Variants in PCSK2 observed in about 807,000 individuals in gnomAD.
PCSK2 encodes the protein neuroendocrine convertase 2.
A neutral mutation model predicts 69.7 loss-of-function variants in PCSK2; 14 were observed. That is an observed-to-expected ratio of 0.20 (90% confidence interval 0.13 to 0.31). The LOEUF is 0.31. Ranked by LOEUF, PCSK2 falls within the 10% of genes least tolerant of loss-of-function variation. The pLI, the probability that PCSK2 is intolerant of heterozygous loss-of-function variation, is 1.00. For synonymous variants in PCSK2, 307 were observed against 320.7 expected, an observed-to-expected ratio of 0.96 and a Z score of 0.46; for missense variants, 544 against 842.5, an observed-to-expected ratio of 0.65 and a Z score of 4.39.
chr20:17,311,115 A>G (rs1441725561), intron 2 of PCSK2, among the ~76,000 whole-genome samples: 1 of 152,134 alleles, frequency 6.6e-6, no homozygotes, highest in Non-Finnish European at 1.5e-5. Context: ...GTTTGAGCCC[A>G]TTAAACATAG....
chr20:17,357,639 A>C (rs537831168), intron 2 of PCSK2, among the ~76,000 whole-genome samples: 9 of 152,332 alleles, frequency 5.9e-5, no homozygotes, highest in African/African-American at 1.9e-4. Context: ...TCATGCCTGT[A>C]ATCCCAGCAC....
chr20:17,296,247 G>A (rs369548660), intron 2 of PCSK2, among the ~76,000 whole-genome samples: 3 of 152,172 alleles, frequency 2.0e-5, no homozygotes, highest in African/African-American at 4.8e-5. Context: ...CACAGGGTCC[G>A]CTACACAGCT....
intron 1 of PCSK2, among the ~76,000 whole-genome samples, chr20:17,248,175 GGTGT>G (rs10640964): frequency 0.11 from 16,306 of 144,352 alleles, 1,090 homozygotes; most frequent in East Asian, 0.27. Flanking sequence ...TATAAAAAAG[GGTGT>G]GTGTGTGTGT....
intron 5 of PCSK2, among the ~76,000 whole-genome samples, chr20:17,403,919 A>G (rs1425135258): frequency 6.6e-6 from 1 of 152,224 alleles, no homozygotes; most frequent in Non-Finnish European, 1.5e-5. Flanking sequence ...GCTAGTAGGT[A>G]TATAGTGCCA....
chr20:17,303,525 T>TA lies in PCSK2; in HGVS notation c.282+43182dup, dbSNP rs1392363074. Among the ~76,000 whole-genome samples the TA allele has an allele frequency of 5.8e-3, 244 of 42,134 alleles. 10 individuals are homozygous for TA. Among genetic ancestry groups the TA allele is most frequent in the African/African-American group, 0.019 (241 of 12,864 alleles). 27.6% of individuals were successfully genotyped at this position (42,134 alleles called of 152,430 possible). On this transcript the variant is annotated intron_variant, in intron 2 of 11. Transcript: ENST00000262545. ...AATATATATTATATATAATATAATA[T>TA]ATATTATATTATATATAATATGATA...
chr20:17,434,963 C>T (rs938882937), intron 7 of PCSK2, among the ~76,000 whole-genome samples: 9 of 152,200 alleles, frequency 5.9e-5, no homozygotes, highest in Admixed American at 6.5e-5. Flanking sequence ...AAGCAAAATA[C>T]AGAGTCTTAA....
At chr20:17,463,230 T>G (rs1320665946) in intron 10 of PCSK2, among the ~76,000 whole-genome samples, 2 of 152,326 alleles carry the variant, frequency 1.3e-5, no homozygotes, top group South Asian at 2.1e-4. Context: ...ACAGCCCATT[T>G]TCATGGCAAA....
At chr20:17,412,013 C>T (rs555408285) in intron 6 of PCSK2, among the ~76,000 whole-genome samples, 124 of 152,276 alleles carry the variant, frequency 8.1e-4, no homozygotes, top group Non-Finnish European at 1.3e-3. Context: ...CACACGAAAA[C>T]CCCATTTGTA....
chr20:17,259,370 C>T (rs919566661), intron 1 of PCSK2, among the ~76,000 whole-genome samples: 2 of 152,080 alleles, frequency 1.3e-5, no homozygotes, highest in South Asian at 2.1e-4. Flanking sequence ...AATGTGAAGA[C>T]GTGGAGAAAA....
At chr20:17,237,497 T>C (rs1459118699) in intron 1 of PCSK2, among the ~76,000 whole-genome samples, 1 of 151,424 alleles carries the variant, frequency 6.6e-6, no homozygotes, top group East Asian at 1.9e-4. Context: ...CGGTTAGAGA[T>C]ATGGAAAAAG....
At chr20:17,481,413 A>AAAAAAAAAAAAAAAAGAG (rs113487407) in intron 11 of PCSK2, among the ~76,000 whole-genome samples, 171 bp from the exon 12 acceptor site, 3 of 115,820 alleles carry the variant, frequency 2.6e-5, no homozygotes, top group African/African-American at 7.7e-5. Context: ...AAAAAAAAAA[A>AAAAAAAAAAAAAAAAGAG]AGAGATAAGT....
chr20:17,265,022 C>A (rs939552054), intron 2 of PCSK2, among the ~76,000 whole-genome samples: 6 of 152,268 alleles, frequency 3.9e-5, no homozygotes, highest in Admixed American at 6.5e-5. Context: ...TGACACCACA[C>A]CTGGCTAATT....
chr20:17,424,633 C>T (rs1022288405), intron 6 of PCSK2, among the ~76,000 whole-genome samples: 6 of 152,086 alleles, frequency 3.9e-5, no homozygotes, highest in African/African-American at 7.2e-5. Context: ...GCTGAGATTA[C>T]AGGCACGCGC....
intron 6 of PCSK2, among the ~76,000 whole-genome samples, chr20:17,422,389 A>G (rs1295378029): frequency 2.6e-5 from 4 of 152,184 alleles, no homozygotes; most frequent in Non-Finnish European, 4.4e-5. Flanking sequence ...TAAGAAGAAA[A>G]TTATAAAATT....
intron 4 of PCSK2, among the ~76,000 whole-genome samples, chr20:17,365,429 A>G (rs1193751284): frequency 6.6e-6 from 1 of 152,028 alleles, no homozygotes; most frequent in African/African-American, 2.4e-5. Context: ...AAATCTCAGC[A>G]TTTCACCCTG....
At chr20:17,320,005 G>T (rs149112269) in intron 2 of PCSK2, among the ~76,000 whole-genome samples, 20 of 152,196 alleles carry the variant, frequency 1.3e-4, no homozygotes, top group African/African-American at 4.3e-4. Flanking sequence ...AATCTATCAG[G>T]ACTAAAGAGT....
chr20:17,353,722 G>A (rs2030092826), intron 2 of PCSK2, among the ~76,000 whole-genome samples: 2 of 152,142 alleles, frequency 1.3e-5, no homozygotes, highest in Non-Finnish European at 2.9e-5. Context: ...ATTCACAGTT[G>A]CAAAGACATG....
intron 2 of PCSK2, among the ~76,000 whole-genome samples, chr20:17,308,167 C>T (rs1989386648): frequency 6.6e-6 from 1 of 152,128 alleles, no homozygotes. Context: ...CACAAGAACT[C>T]ATTCACTGTC....
chr20:17,468,490 C>T (rs1410280698), intron 11 of PCSK2, among the ~76,000 whole-genome samples: 1 of 147,680 alleles, frequency 6.8e-6, no homozygotes, highest in Non-Finnish European at 1.5e-5. Context: ...TACCATAGGT[C>T]AGCATCCTCC....
Sources: allele counts gnomAD v4.1 joint callset (sites outside exome capture counted in the v4.1 genomes callset), GRCh38; gene constraint gnomAD v4.1.1; transcripts MANE v1.5; gene names NCBI Gene and HGNC (gene_info 2026-07-23, HGNC 2026-07-21).